The following SERHL2 variants were observed in gnomAD, a reference collection of about 807,000 sequenced individuals.
SERHL2 encodes serine hydrolase like 2.
A neutral mutation model predicts 25.5 loss-of-function variants in SERHL2; 29 were observed. The observed-to-expected ratio is 1.14, with a 90% CI of 0.85 to 1.55. The LOEUF (loss-of-function observed/expected upper bound fraction) is 1.55. Among genes scored for constraint, SERHL2 ranks in the 40% most tolerant of loss-of-function variants. The pLI is 0.00. For missense variants in SERHL2, 240 were observed against 252.3 expected, an observed-to-expected ratio of 0.95 and a Z score of 0.33; for synonymous variants, 95 against 103.5, an observed-to-expected ratio of 0.92 and a Z score of 0.50.
intron 8 of SERHL2, among the ~76,000 whole-genome samples, chr22:42,561,310 C>T (rs1922650948): frequency 1.3e-5 from 2 of 151,998 alleles, no homozygotes; most frequent in East Asian, 1.9e-4. Context: ...CTTCCTGACA[C>T]TGCCAGCTCA....
At chr22:42,554,083 C>T (rs1921926975) in intron 1 of SERHL2, 41 bp downstream of exon 1, 1 of 1,608,652 alleles carries the variant, frequency 6.2e-7, no homozygotes. Context: ...CACTGCCCAC[C>T]CACCTGGTTG....
chr22:42,565,876 CAG>C (rs754445814), intron 8 of SERHL2, among the ~76,000 whole-genome samples: 55 of 151,960 alleles, frequency 3.6e-4, no homozygotes, highest in African/African-American at 1.3e-3. Context: ...TTTTTTGAGA[CAG>C]AGTCTTGCTC....
Position 42,574,297 on chromosome 22 carries a change from G to C in SERHL2, c.*242G>C, listed in dbSNP as rs1601868733. 1 of 547,702 alleles carries C rather than the reference G, an allele frequency of 1.8e-6. No individual in the cohort carries two copies. The highest frequency in any genetic ancestry group is 2.3e-5 in the South Asian group (1 of 43,670). The allele number at this position is 547,702 out of a possible 1,614,324, so 33.9% of individuals were successfully genotyped here. On this transcript the variant is annotated 3_prime_UTR_variant, in exon 12 of 12. Coordinates refer to ENST00000327678, the MANE Select transcript of SERHL2 (RefSeq NM_014509.5). ...CTGGCTAATAATAAATATCCAGCCA[G>C]CTGGAGGAAGGAAGGGCAGGCTGGG...
rs542170593 is a variant in SERHL2, at chr22:42,564,579, C to A, written c.614-1725C>A. ...GCCAAGTAGCTGGGATTACAGGTGC[C>A]CACCACCATGCCTGGCTAATTTTTG... is the stretch of plus-strand genomic sequence containing the variant. On this transcript the variant is annotated intron_variant, in intron 8 of 11. Transcript: ENST00000327678. Among the ~76,000 whole-genome samples, 245 of 151,556 alleles carry A rather than the reference C, an allele frequency of 1.6e-3. 4 individuals carry two copies. Among genetic ancestry groups the A allele is most frequent in the South Asian group, 0.011 (51 of 4,790 alleles).
intron 8 of SERHL2, chr22:42,563,463 C>A: frequency 2.3e-6 from 1 of 443,198 alleles, no homozygotes; most frequent in Non-Finnish European, 4.5e-6. Context: ...CTCGACCTCC[C>A]AAAATGGTAG....
At chr22:42,570,970 G>A (rs1403654576) in intron 9 of SERHL2, 151 bp from the exon 10 acceptor site, 3 of 979,178 alleles carry the variant, frequency 3.1e-6, no homozygotes, top group African/African-American at 1.6e-5. Context: ...AGCCTTCGAT[G>A]AGGCAGTGAT....
At chr22:42,573,010 C>T (rs1924454054) in intron 11 of SERHL2, among the ~76,000 whole-genome samples, 1 of 151,754 alleles carries the variant, frequency 6.6e-6, no homozygotes, top group Admixed American at 6.6e-5. Context: ...CAGCAGAATA[C>T]CCGACTGCCT....
At chr22:42,564,641 G>C (rs181921205) in intron 8 of SERHL2, among the ~76,000 whole-genome samples, 1 of 151,754 alleles carries the variant, frequency 6.6e-6, no homozygotes, top group Non-Finnish European at 1.5e-5. Context: ...ATGTTGGCCA[G>C]GCTGGTCTCG....
At chr22:42,571,019 G>A (rs1338184836) in intron 9 of SERHL2, 102 bp from the exon 10 acceptor site, 7 of 1,565,288 alleles carry the variant, frequency 4.5e-6, no homozygotes, top group South Asian at 1.2e-5. Flanking sequence ...GGTGGCTAAG[G>A]TGCCCTCGCC....
intron 8 of SERHL2, among the ~76,000 whole-genome samples, chr22:42,561,822 C>A (rs1601836878): frequency 6.6e-6 from 1 of 151,912 alleles, no homozygotes; most frequent in Non-Finnish European, 1.5e-5. Context: ...ATCTTGCCTC[C>A]CTGGAAACCC....
At chr22:42,568,181 AC>A (rs1171315772) in intron 9 of SERHL2, among the ~76,000 whole-genome samples, 1 of 137,338 alleles carries the variant, frequency 7.3e-6, no homozygotes, top group Non-Finnish European at 1.6e-5. Context: ...GCGCTACCAC[AC>A]CCAGCTAAAT....
chr22:42,562,397 C>T (rs1922797527), intron 8 of SERHL2, among the ~76,000 whole-genome samples: 1 of 151,844 alleles, frequency 6.6e-6, no homozygotes, highest in Non-Finnish European at 1.5e-5. Context: ...AGGTCAAGGC[C>T]TCGGCAGGGC....
intron 1 of SERHL2, among the ~76,000 whole-genome samples, chr22:42,554,705 T>C (rs1252031467): frequency 3.3e-5 from 5 of 150,598 alleles, no homozygotes; most frequent in African/African-American, 9.9e-5. Flanking sequence ...ATGGGGTGCA[T>C]GCTCTGAGGC....
At chr22:42,562,920 C>T (rs1922864443) in intron 8 of SERHL2, among the ~76,000 whole-genome samples, 1 of 151,972 alleles carries the variant, frequency 6.6e-6, no homozygotes, top group Non-Finnish European at 1.5e-5. Flanking sequence ...CCTGGCCAAG[C>T]GTATTCACAC....
intron 7 of SERHL2, 121 bp from the exon 8 acceptor site, chr22:42,560,065 T>A (rs1319450274): frequency 1.4e-6 from 1 of 720,354 alleles, no homozygotes; most frequent in Non-Finnish European, 2.5e-6. Context: ...GCCCATCTTG[T>A]CCTCCCAAAG....
chr22:42,571,418 G>A, intron 10 of SERHL2: 1 of 1,395,960 alleles, frequency 7.2e-7, no homozygotes, highest in Non-Finnish European at 9.3e-7. Flanking sequence ...GATGGGCCGG[G>A]GCTGTCCCAT....
At chr22:42,560,130 T>C in intron 7 of SERHL2, 56 bp from the exon 8 acceptor site, 3 of 1,382,148 alleles carry the variant, frequency 2.2e-6, no homozygotes, top group Non-Finnish European at 3.1e-6. Context: ...CTCCTTTTTA[T>C]CTGACCTCCT....
intron 8 of SERHL2, among the ~76,000 whole-genome samples, chr22:42,563,238 C>T (rs902878865): frequency 6.7e-6 from 1 of 148,926 alleles, no homozygotes; most frequent in Non-Finnish European, 1.5e-5. Flanking sequence ...GGGTCTTGCT[C>T]TGTCACTCAG....
At chr22:42,568,392 C>T (rs1923701156) in intron 9 of SERHL2, among the ~76,000 whole-genome samples, 1 of 151,022 alleles carries the variant, frequency 6.6e-6, no homozygotes, top group South Asian at 2.1e-4. Flanking sequence ...AAGGCTCACT[C>T]ACTGGTGGTT....
Sources: allele counts gnomAD v4.1 joint callset (sites outside exome capture counted in the v4.1 genomes callset), GRCh38; gene constraint gnomAD v4.1.1; transcripts MANE v1.5; gene names NCBI Gene and HGNC (gene_info 2026-07-23, HGNC 2026-07-21).